The following LRRTM4 variants were observed in gnomAD, a reference collection of about 807,000 sequenced individuals.
LRRTM4 encodes the protein leucine rich repeat transmembrane neuronal 4.
Under a neutral mutation model 47.6 loss-of-function variants are expected in LRRTM4, and 25 were observed. That is an observed-to-expected ratio of 0.53 (90% CI 0.38 to 0.73). The LOEUF is 0.73. Among genes scored for constraint, LRRTM4 ranks in the 30% least tolerant of loss-of-function variants. The pLI is 0.00. For synonymous variants in LRRTM4, 311 were observed against 269.5 expected (o/e 1.15, Z -1.51); for missense variants, 638 against 713.4 (o/e 0.89, Z 1.20).
At chr2:77,108,669 C>T (rs910113720) in intron 3 of LRRTM4, among the ~76,000 whole-genome samples, 8 of 150,708 alleles carry the variant, frequency 5.3e-5, no homozygotes, top group African/African-American at 7.3e-5. Flanking sequence ...CTGCAAGCTC[C>T]GCCTCCCGGG....
intron 3 of LRRTM4, among the ~76,000 whole-genome samples, chr2:77,393,742 T>A (rs560461626): frequency 1.3e-5 from 2 of 151,978 alleles, no homozygotes; most frequent in East Asian, 1.9e-4. Context: ...AGGGAGAGAA[T>A]GACTATAGTC....
chr2:77,193,121 C>T (rs867904188), intron 3 of LRRTM4, among the ~76,000 whole-genome samples: 27 of 152,220 alleles, frequency 1.8e-4, no homozygotes, highest in Admixed American at 5.2e-4. Flanking sequence ...TGCTTGGATA[C>T]GCAAGTACTT....
chr2:76,973,545 C>T (rs1676294060), intron 3 of LRRTM4, among the ~76,000 whole-genome samples: 1 of 151,896 alleles, frequency 6.6e-6, no homozygotes, highest in Non-Finnish European at 1.5e-5. Context: ...GTATTTGGAA[C>T]ACTCTGCCCA....
At chr2:76,875,701 CT>C (rs1558707016) in intron 3 of LRRTM4, among the ~76,000 whole-genome samples, 1 of 152,170 alleles carries the variant, frequency 6.6e-6, no homozygotes, top group East Asian at 1.9e-4. Context: ...TAATTACCCA[CT>C]GCCATTGAGG....
At chr2:77,002,283 T>C (rs1198024142) in intron 3 of LRRTM4, among the ~76,000 whole-genome samples, 1 of 152,018 alleles carries the variant, frequency 6.6e-6, no homozygotes, top group East Asian at 1.9e-4. Context: ...TCAGAAGGAG[T>C]GAAATTTGGT....
chr2:77,352,282 C>T (rs1194530837), intron 3 of LRRTM4, among the ~76,000 whole-genome samples: 4 of 152,064 alleles, frequency 2.6e-5, no homozygotes, highest in African/African-American at 9.7e-5. Flanking sequence ...AGTCATTTTA[C>T]TGATTTGATG....
At chr2:76,821,387 G>A (rs921656332) in intron 3 of LRRTM4, among the ~76,000 whole-genome samples, 2 of 151,610 alleles carry the variant, frequency 1.3e-5, no homozygotes, top group Non-Finnish European at 3.0e-5. Context: ...GCATCCCTGG[G>A]TATTATGTAC....
intron 3 of LRRTM4, among the ~76,000 whole-genome samples, chr2:77,296,622 T>G (rs1676981191): frequency 6.6e-6 from 1 of 152,182 alleles, no homozygotes; most frequent in East Asian, 1.9e-4. Flanking sequence ...TTGGGACAAG[T>G]AAACAAGGTA....
At chr2:76,811,820 G>A (rs1369322898) in intron 3 of LRRTM4, among the ~76,000 whole-genome samples, 1 of 152,126 alleles carries the variant, frequency 6.6e-6, no homozygotes, top group East Asian at 1.9e-4. Context: ...ATTCTCAAGA[G>A]CCGAAAGCAA....
intron 3 of LRRTM4, among the ~76,000 whole-genome samples, chr2:76,785,743 AT>A (rs1185769263): frequency 5.3e-5 from 8 of 152,104 alleles, no homozygotes; most frequent in Non-Finnish European, 8.8e-5. Flanking sequence ...AATAAAATTG[AT>A]TTTGATGTAT....
intron 3 of LRRTM4, among the ~76,000 whole-genome samples, chr2:77,197,781 A>G (rs989916854): frequency 7.9e-5 from 12 of 152,196 alleles, no homozygotes; most frequent in African/African-American, 2.7e-4. Flanking sequence ...TGCCTAATTT[A>G]TCATTATGAT....
At chr2:77,064,663 T>C (rs1427165990) in intron 3 of LRRTM4, among the ~76,000 whole-genome samples, 1 of 152,214 alleles carries the variant, frequency 6.6e-6, no homozygotes, top group Non-Finnish European at 1.5e-5. Flanking sequence ...TCATCAATCA[T>C]CACCTTTGCC....
intron 3 of LRRTM4, among the ~76,000 whole-genome samples, chr2:77,345,481 T>C (rs1671528264): frequency 6.6e-6 from 1 of 151,704 alleles, no homozygotes; most frequent in Non-Finnish European, 1.5e-5. Flanking sequence ...CAGGAAAAAA[T>C]AGACAAAATA....
chr2:76,884,252 G>T (rs544458576), intron 3 of LRRTM4, among the ~76,000 whole-genome samples: 2 of 152,254 alleles, frequency 1.3e-5, no homozygotes, highest in East Asian at 3.9e-4. Context: ...ACCTTATTTA[G>T]GGAAGAAGAA....
intron 3 of LRRTM4, among the ~76,000 whole-genome samples, chr2:77,055,054 C>G (rs546587261): frequency 6.6e-6 from 1 of 152,282 alleles, no homozygotes; most frequent in South Asian, 2.1e-4. Context: ...CCTGTGATAG[C>G]TGGCTCCCAA....
At chr2:76,912,312 A>G (rs1215546574) in intron 3 of LRRTM4, among the ~76,000 whole-genome samples, 1 of 152,196 alleles carries the variant, frequency 6.6e-6, no homozygotes, top group East Asian at 1.9e-4. Context: ...GACTCATTTC[A>G]TGTTAATAAA....
intron 3 of LRRTM4, among the ~76,000 whole-genome samples, chr2:77,258,753 A>AT (rs149845260): frequency 0.029 from 4,331 of 150,200 alleles, 109 homozygotes; most frequent in African/African-American, 0.067. Flanking sequence ...CACCATTCTT[A>AT]TTTTTAAAAA....
chr2:76,752,892 A>G (rs548819097), intron 3 of LRRTM4, among the ~76,000 whole-genome samples: 2 of 152,200 alleles, frequency 1.3e-5, no homozygotes, highest in Admixed American at 1.3e-4. Flanking sequence ...GATGAGCTCC[A>G]CTCTATAGCA....
intron 3 of LRRTM4, among the ~76,000 whole-genome samples, chr2:76,769,355 A>C (rs1198188365): frequency 2.0e-5 from 3 of 152,152 alleles, no homozygotes; most frequent in Admixed American, 6.5e-5. Flanking sequence ...TAAAATGAAG[A>C]AATTAATTTG....
Sources: allele counts gnomAD v4.1 joint callset (sites outside exome capture counted in the v4.1 genomes callset), GRCh38; gene constraint gnomAD v4.1.1; transcripts MANE v1.5; gene names NCBI Gene and HGNC (gene_info 2026-07-23, HGNC 2026-07-21).